Variants in SLC2A14 observed in about 807,000 individuals in gnomAD.
SLC2A14 encodes the protein solute carrier family 2 member 14, also known as solute carrier family 2, facilitated glucose transporter member 14.
In SLC2A14, 13 loss-of-function variants were observed where a neutral mutation model predicts 43.0. That is an observed-to-expected ratio of 0.30 (90% confidence interval 0.20 to 0.48). SLC2A14 has a LOEUF of 0.48. Ranked by LOEUF, SLC2A14 falls within the 20% of genes least tolerant of loss-of-function variation. SLC2A14 has a pLI of 0.99. For missense variants in SLC2A14, 428 were observed against 620.4 expected (o/e 0.69, Z 3.29); for synonymous variants, 190 against 233.8 (o/e 0.81, Z 1.71).
At chr12:7,818,407 T>C (rs540820536) in intron 9 of SLC2A14, among the ~76,000 whole-genome samples, 1 of 152,180 alleles carries the variant, frequency 6.6e-6, no homozygotes, top group Non-Finnish European at 1.5e-5. Flanking sequence ...ACGCCTATAG[T>C]CCCAGCACTT....
intron 2 of SLC2A14, among the ~76,000 whole-genome samples, chr12:7,857,067 T>C (rs780969780): frequency 4.7e-5 from 7 of 148,964 alleles, no homozygotes; most frequent in South Asian, 4.3e-4. Flanking sequence ...TTGGCCAACA[T>C]GGTGAAACCC....
In SLC2A14 at chr12:7,816,602, G is replaced by A. The variant is rs1439973614; in HGVS notation, c.1275+1229C>T. Among the ~76,000 whole-genome samples, 4 of 150,834 alleles carry A rather than the reference G, an allele frequency of 2.7e-5. No individual in the cohort carries two copies. The East Asian group carries it at 6.0e-4, about 23-fold the overall frequency. On this transcript the variant is annotated intron_variant, in intron 10 of 10. Transcript: ENST00000431042. ...TCTTAAACTGGGCACCATGGTGCCT[G>A]CCTGTAATCCCAGCACTTTGGGAGG...
chr12:7,818,710 C>T (rs1165691825), intron 9 of SLC2A14, among the ~76,000 whole-genome samples: 2 of 145,876 alleles, frequency 1.4e-5, no homozygotes, highest in Admixed American at 1.4e-4. Flanking sequence ...TTTTTAGAGA[C>T]AGTTTCTTGC....
At chr12:7,872,711 T>A in intron 1 of SLC2A14, 96 bp downstream of exon 1, 1 of 931,480 alleles carries the variant, frequency 1.1e-6, no homozygotes, top group South Asian at 4.9e-5. Context: ...CACCTCCGAG[T>A]AGCCGCCCAC....
intron 2 of SLC2A14, among the ~76,000 whole-genome samples, chr12:7,837,283 A>T (rs1259559803): frequency 6.6e-6 from 1 of 152,240 alleles, no homozygotes; most frequent in African/African-American, 2.4e-5. Context: ...TTTGTCAATT[A>T]TACTTCAGTG....
At chr12:7,844,310 G>C (rs1866270547) in intron 2 of SLC2A14, among the ~76,000 whole-genome samples, 1 of 152,102 alleles carries the variant, frequency 6.6e-6, no homozygotes. Flanking sequence ...CTATGTGGTG[G>C]TGTTGGTAGT....
At chr12:7,872,783 G>A (rs1945310179) in intron 1 of SLC2A14, 24 bp downstream of exon 1, 2 of 985,286 alleles carry the variant, frequency 2.0e-6, no homozygotes, top group Admixed American at 6.2e-5. Context: ...CCCCCCGGCC[G>A]CAGGGACGGC....
At chr12:7,881,182 C>T (rs542510070) in intron 1 of SLC2A14, among the ~76,000 whole-genome samples, 1 of 152,112 alleles carries the variant, frequency 6.6e-6, no homozygotes, top group Non-Finnish European at 1.5e-5. Flanking sequence ...TTTGGCGGCA[C>T]GTGAGGAGCC....
chr12:7,831,901 G>C, intron 3 of SLC2A14, 137 bp from the exon 4 acceptor site: 1 of 1,057,054 alleles, frequency 9.5e-7, no homozygotes, highest in Non-Finnish European at 1.4e-6. Context: ...CTGAGGTCAG[G>C]AGTTGCAGAC....
At chr12:7,891,087 C>T (rs1280999371) in exon 1 of SLC2A14, 1 of 1,535,072 alleles carries the variant, frequency 6.5e-7, no homozygotes, top group South Asian at 1.2e-5. Context: ...TTGTTTCACA[C>T]CCAGGAGTAC....
chr12:7,828,669 T>C (rs1422828642), intron 6 of SLC2A14, 35 bp downstream of exon 6: 2 of 1,610,484 alleles, frequency 1.2e-6, no homozygotes, highest in Non-Finnish European at 1.7e-6. Context: ...ACCACAACCA[T>C]ATACTTTGTA....
At chr12:7,841,918 T>C (rs759393038) in intron 2 of SLC2A14, among the ~76,000 whole-genome samples, 103 of 151,942 alleles carry the variant, frequency 6.8e-4, no homozygotes, top group African/African-American at 2.3e-3. Flanking sequence ...GGCAGGAGAA[T>C]TGACTGAACC....
At chr12:7,874,841 GTATT>G (rs1945405366), upstream of SLC2A14, among the ~76,000 whole-genome samples, 1 of 68,644 alleles carries the variant, frequency 1.5e-5, no homozygotes, top group Non-Finnish European at 2.8e-5. Context: ...ATATAAATAC[GTATT>G]TATATATAAA....
Position 7,827,634 on chromosome 12 carries a change from T to A in SLC2A14, c.725A>T (p.Glu242Val). Residue 242 changes from glutamate to valine, a missense_variant, in exon 7 of 11, where the codon GAG (glutamate) becomes GTG (valine). Around this residue, in one of 4 missense-constraint regions of SLC2A14, gnomAD observed 185 missense variants for 275.4 expected, o/e 0.67. Coordinates refer to ENST00000431042, the MANE Select transcript of SLC2A14 (RefSeq NM_001286234.2). ...GTQDVSQDIQ[E>V]MKDESARMSQ... is the part of the protein sequence containing the mutation. Reference sequence around the variant, plus strand: ...CATCCTTGCACTCTCATCTTTCATCTCCTGGATGTCTTGGGATACATCCTG... The same window carrying A: ...CATCCTTGCACTCTCATCTTTCATCACCTGGATGTCTTGGGATACATCCTG... 1.2e-6 allele frequency: 2 copies of A among 1,613,068 alleles called. No homozygotes were observed. The highest frequency in any genetic ancestry group is 1.7e-6 in the Non-Finnish European group (2 of 1,179,808).
chr12:7,839,301 T>C (rs1865722771), intron 2 of SLC2A14, among the ~76,000 whole-genome samples: 1 of 137,776 alleles, frequency 7.3e-6, no homozygotes, highest in Non-Finnish European at 1.6e-5. Context: ...AAGTCAACCT[T>C]GGGAGTATCT....
At chr12:7,844,248 T>C (rs1427788459) in intron 2 of SLC2A14, among the ~76,000 whole-genome samples, 1 of 152,186 alleles carries the variant, frequency 6.6e-6, no homozygotes, top group Admixed American at 6.5e-5. Context: ...CCATACAGTA[T>C]GTACTCTTTT....
chr12:7,870,359 AAGCCAC>A (rs1405303505), intron 1 of SLC2A14, among the ~76,000 whole-genome samples: 1 of 152,148 alleles, frequency 6.6e-6, no homozygotes, highest in Non-Finnish European at 1.5e-5. Flanking sequence ...CACTTAGAAC[AAGCCAC>A]CTCTCCTCAT....
intron 2 of SLC2A14, among the ~76,000 whole-genome samples, chr12:7,867,844 CAAA>C (rs34320554): frequency 1.8e-4 from 20 of 112,192 alleles, no homozygotes; most frequent in African/African-American, 2.0e-4. Flanking sequence ...GACTCTGTCT[CAAA>C]AAAAAAAAAA....
intron 4 of SLC2A14, among the ~76,000 whole-genome samples, chr12:7,830,845 C>T (rs1016004418): frequency 2.6e-5 from 4 of 152,152 alleles, no homozygotes; most frequent in African/African-American, 9.6e-5. Context: ...AGTTTTCAGC[C>T]AGGCACAGTG....
Sources: gnomAD v4.1 joint callset for allele counts (sites outside exome capture counted in the v4.1 genomes callset) on GRCh38, gnomAD v4.1.1 for gene constraint, gnomAD v4.1.1 regional missense constraint, MANE v1.5 for transcripts, NCBI Gene and HGNC (gene_info 2026-07-23, HGNC 2026-07-21) for gene names.